Variants in GABRR1 observed in about 807,000 individuals in gnomAD.
The protein encoded by GABRR1 is gamma-aminobutyric acid type A receptor subunit rho1.
A neutral mutation model predicts 55.5 loss-of-function variants in GABRR1; 59 were observed. The ratio of observed to expected loss-of-function variants is 1.06; its 90% CI spans 0.86 to 1.32. The LOEUF is 1.32. GABRR1 is among the 40% of genes most tolerant of loss of function. GABRR1 has a pLI of 0.00. For synonymous variants in GABRR1, 213 were observed against 226.0 expected (o/e 0.94, Z 0.51); for missense variants, 602 against 619.1 (o/e 0.97, Z 0.29).
chr6:89,197,555 C>T (rs1772337884), intron 5 of GABRR1, among the ~76,000 whole-genome samples: 1 of 152,224 alleles, frequency 6.6e-6, no homozygotes. Flanking sequence ...CAGAATGGCA[C>T]GTCAAGTCAT....
chr6:89,214,799 A>C (rs1772937040), intron 1 of GABRR1, among the ~76,000 whole-genome samples: 2 of 152,140 alleles, frequency 1.3e-5, no homozygotes, highest in Non-Finnish European at 2.9e-5. Flanking sequence ...CCAAGGTGGG[A>C]GGATCACTTG....
At chr6:89,188,731 T>G (rs1029518835) in intron 6 of GABRR1, among the ~76,000 whole-genome samples, 16 of 152,214 alleles carry the variant, frequency 1.1e-4, no homozygotes, top group Non-Finnish European at 1.5e-5. Context: ...CTTTTTACTC[T>G]GATAATGTCG....
rs1343858620 is a variant in GABRR1 at position 89,177,956 on chromosome 6, G to A, written c.*814C>T. The A allele has an allele frequency of 6.6e-6, 1 of 152,168 alleles. No homozygotes were observed. The highest frequency in any genetic ancestry group is 1.5e-5 in the Non-Finnish European group (1 of 68,018). The allele number at this position is 152,168 out of a possible 1,614,324, so 9.4% of individuals were successfully genotyped here. A position where few individuals can be genotyped will look rare whatever the true frequency, so the allele number is the denominator to read the frequency against. On this transcript the variant is annotated 3_prime_UTR_variant, in exon 10 of 10. Coordinates refer to ENST00000454853, the MANE Select transcript of GABRR1 (RefSeq NM_002042.5). ...CTCAGTGAAGATATCACATCACTGAGAAAGCACTTCTCTTTGAACAAGGAC... is the reference window on the plus strand; with the variant it reads ...CTCAGTGAAGATATCACATCACTGAAAAAGCACTTCTCTTTGAACAAGGAC...
At chr6:89,195,188 T>C (rs1157470012) in intron 5 of GABRR1, among the ~76,000 whole-genome samples, 1 of 151,992 alleles carries the variant, frequency 6.6e-6, no homozygotes, top group Non-Finnish European at 1.5e-5. Context: ...GGGCCGGGCA[T>C]GGTGGCTCAC....
intron 5 of GABRR1, among the ~76,000 whole-genome samples, chr6:89,196,866 A>AGAAAGAAAGAAAGAAAGAAG (rs2127797692): frequency 7.3e-6 from 1 of 137,138 alleles, no homozygotes; most frequent in East Asian, 2.1e-4. Flanking sequence ...AAAGAAAGAA[A>AGAAAGAAAGAAAGAAAGAAG]GAAAGAAAGA....
At chr6:89,204,647 T>C (rs1320297174) in intron 1 of GABRR1, 2 of 1,286,030 alleles carry the variant, frequency 1.6e-6, no homozygotes, top group South Asian at 1.3e-5. Context: ...AAAGGAGGTT[T>C]GTCAAATTCT....
chr6:89,179,625 G>T (rs1200942143), intron 9 of GABRR1, among the ~76,000 whole-genome samples: 1 of 152,206 alleles, frequency 6.6e-6, no homozygotes, highest in African/African-American at 2.4e-5. Context: ...AGATCACCCT[G>T]TTCTCCATGA....
chr6:89,226,180 A>G (rs1291139633), intron 1 of GABRR1, among the ~76,000 whole-genome samples: 1 of 151,284 alleles, frequency 6.6e-6, no homozygotes, highest in African/African-American at 2.4e-5. Context: ...TTGTCAGATG[A>G]GTAGGTTGCG....
chr6:89,218,428 T>G (rs1159879110), upstream of GABRR1, among the ~76,000 whole-genome samples: 1 of 152,256 alleles, frequency 6.6e-6, no homozygotes, highest in Non-Finnish European at 1.5e-5. Context: ...CTTTTCTTTC[T>G]CTTCTTGTGC....
At chr6:89,201,340 T>C in intron 2 of GABRR1, 75 bp from the exon 3 acceptor site, 1 of 992,924 alleles carries the variant, frequency 1.0e-6, no homozygotes, top group Non-Finnish European at 1.6e-6. Context: ...CATTCTGACT[T>C]GATCTTGATA....
intron 2 of GABRR1, among the ~76,000 whole-genome samples, chr6:89,203,004 G>A (rs4707527): frequency 0.69 from 104,722 of 152,150 alleles, 36,318 homozygotes; most frequent in East Asian, 0.92. Flanking sequence ...GTGAGCCACC[G>A]CACCCAACCT....
At chr6:89,204,771 C>A in intron 1 of GABRR1, 2 of 696,808 alleles carry the variant, frequency 2.9e-6, no homozygotes, top group South Asian at 2.1e-5. Context: ...AACTTTTTTT[C>A]CTGTTTACAT....
At chr6:89,206,545 C>T (rs937152549) in intron 1 of GABRR1, among the ~76,000 whole-genome samples, 4 of 152,036 alleles carry the variant, frequency 2.6e-5, no homozygotes, top group African/African-American at 7.3e-5. Flanking sequence ...ATGTGCACAC[C>T]GTGCTATTGT....
rs112006476 is a variant in GABRR1 at position 89,184,264 on chromosome 6, A to T, written c.796+1046T>A. ...CTCCGTCTCAAAAAAAAAAAAAAAA[A>T]AAATTCCTAGACTTCACCACTATAC... On this transcript the variant is annotated intron_variant, in intron 7 of 9. Transcript: ENST00000454853. 6.4e-3 allele frequency among the ~76,000 whole-genome samples: 957 copies of T among 149,784 alleles called. 7 individuals carry two copies. Among genetic ancestry groups the T allele is most frequent in the East Asian group, 0.011 (57 of 5,076 alleles).
At chr6:89,195,891 C>A (rs1405374910) in intron 5 of GABRR1, among the ~76,000 whole-genome samples, 1 of 152,174 alleles carries the variant, frequency 6.6e-6, no homozygotes, top group Middle Eastern at 3.2e-3. Context: ...CTACAGAAAT[C>A]AGCAAACACT....
intron 1 of GABRR1, among the ~76,000 whole-genome samples, chr6:89,208,486 C>T (rs760733141): frequency 1.3e-4 from 20 of 152,242 alleles, no homozygotes; most frequent in Middle Eastern, 3.4e-3. Context: ...GTTACTGTGA[C>T]GATATTTTTA....
At chr6:89,185,531 T>A in intron 6 of GABRR1, 81 bp from the exon 7 acceptor site, 1 of 1,236,530 alleles carries the variant, frequency 8.1e-7, no homozygotes. Flanking sequence ...AGCTGTGTCC[T>A]GACCTCCCAC....
intron 5 of GABRR1, among the ~76,000 whole-genome samples, chr6:89,196,848 A>G (rs1471512157): frequency 7.3e-6 from 1 of 136,142 alleles, no homozygotes; most frequent in Non-Finnish European, 1.6e-5. Context: ...AGAAAGAAAG[A>G]AAGAAAGAAA....
At position 89,185,407 on chromosome 6, in the gene GABRR1, G is replaced by A. The variant is rs1195616200; in HGVS notation, c.699C>T (p.Gly233=). ...GTTCATCTGTCTTTAAGGAGTCATT[G>A]CCCTTTTTCCAGTACAGCATGAGGT... ...EDDLMLYWKK[G]NDSLKTDERI... The change falls in exon 7 of 10, where the codon GGC becomes GGT. Residue 233 remains glycine (G), a synonymous_variant. Coordinates refer to ENST00000454853, the MANE Select transcript of GABRR1 (RefSeq NM_002042.5). 8.7e-6 allele frequency: 14 copies of A among 1,613,492 alleles called. No individual in the cohort carries two copies. In the East Asian group the frequency reaches 2.9e-4, roughly 33 times the overall value.
Sources: allele counts gnomAD v4.1 joint callset (sites outside exome capture counted in the v4.1 genomes callset), GRCh38; gene constraint gnomAD v4.1.1; transcripts MANE v1.5; gene names NCBI Gene and HGNC (gene_info 2026-07-23, HGNC 2026-07-21).